The following PRDM16 variants were observed in gnomAD, a reference collection of about 807,000 sequenced individuals.
The protein encoded by PRDM16 is PR/SET domain 16, also known as histone-lysine N-methyltransferase PRDM16.
PRDM16 carries 23 observed loss-of-function variants against 110.6 expected under a neutral mutation model. The ratio of observed to expected loss-of-function variants is 0.21; its 90% confidence interval spans 0.15 to 0.29. The LOEUF (loss-of-function observed/expected upper bound fraction) is 0.29, where lower values mean the gene tolerates loss of function less well. Ranked by LOEUF, PRDM16 falls within the 10% of genes least tolerant of loss-of-function variation. The pLI is 1.00. For synonymous variants in PRDM16, 799 were observed against 781.8 expected, an observed-to-expected ratio of 1.02 and a Z score of -0.37; for missense variants, 1,615 against 1,794.3, an observed-to-expected ratio of 0.90 and a Z score of 1.81.
At chr1:3,160,876 C>G (rs1465157781) in intron 1 of PRDM16, among the ~76,000 whole-genome samples, 2 of 152,220 alleles carry the variant, frequency 1.3e-5, no homozygotes, top group Non-Finnish European at 2.9e-5. Context: ...ACACAGCCAG[C>G]AAGAGGCTGA....
At chr1:3,310,809 T>C (rs890424935) in intron 3 of PRDM16, among the ~76,000 whole-genome samples, 3 of 152,296 alleles carry the variant, frequency 2.0e-5, no homozygotes, top group African/African-American at 7.2e-5. Context: ...TGTGTATGTG[T>C]ATGTGCATGT....
At chr1:3,227,960 T>A (rs565622084) in intron 2 of PRDM16, among the ~76,000 whole-genome samples, 2 of 152,344 alleles carry the variant, frequency 1.3e-5, no homozygotes, top group South Asian at 4.1e-4. Flanking sequence ...CCTCCAAGTC[T>A]CTGTTTCGAG....
intron 3 of PRDM16, among the ~76,000 whole-genome samples, chr1:3,271,174 C>T (rs1353207692): frequency 6.6e-6 from 1 of 152,198 alleles, no homozygotes; most frequent in Non-Finnish European, 1.5e-5. Context: ...GCCCCGGACG[C>T]CTCCAGGTCA....
intron 1 of PRDM16, among the ~76,000 whole-genome samples, chr1:3,180,832 G>A (rs1644142834): frequency 6.6e-6 from 1 of 152,066 alleles, no homozygotes; most frequent in African/African-American, 2.4e-5. Context: ...TTCCCAACAG[G>A]GCCCTCTGCT....
intron 2 of PRDM16, among the ~76,000 whole-genome samples, chr1:3,189,786 A>T (rs74811618): frequency 3.2e-4 from 48 of 152,236 alleles, no homozygotes; most frequent in African/African-American, 1.1e-3. Flanking sequence ...GAGTGGCGTG[A>T]GCAAAGGGAT....
intron 3 of PRDM16, among the ~76,000 whole-genome samples, chr1:3,257,266 GCTCT>G (rs956379801): frequency 2.6e-5 from 4 of 152,204 alleles, no homozygotes; most frequent in African/African-American, 9.7e-5. Flanking sequence ...CCAGTTTCTG[GCTCT>G]CTGCCTTCCA....
chr1:3,212,475 G>C (rs1388478213), intron 2 of PRDM16, among the ~76,000 whole-genome samples: 1 of 152,126 alleles, frequency 6.6e-6, no homozygotes, highest in Non-Finnish European at 1.5e-5. Context: ...AGCAGAGGTG[G>C]CCAAGGCCCC....
At chr1:3,173,022 G>A (rs1433623607) in intron 1 of PRDM16, among the ~76,000 whole-genome samples, 1 of 152,228 alleles carries the variant, frequency 6.6e-6, no homozygotes, top group Admixed American at 6.5e-5. Context: ...GCTAGTGCTT[G>A]GAGCCAACAC....
intron 1 of PRDM16, among the ~76,000 whole-genome samples, chr1:3,095,961 C>T (rs913316017): frequency 2.6e-5 from 4 of 152,044 alleles, no homozygotes; most frequent in Non-Finnish European, 4.4e-5. Flanking sequence ...CGTCACACTC[C>T]CTCCCTCCCT....
Position 3,433,853 on chromosome 1 carries a change from C to T in PRDM16, c.*42C>T. The T allele has an allele frequency of 1.2e-6, 2 of 1,607,032 alleles. No homozygotes were observed. The highest frequency in any genetic ancestry group is 8.5e-7 in the Non-Finnish European group (1 of 1,177,714). On this transcript the variant is annotated 3_prime_UTR_variant, in exon 17 of 17. Transcript: ENST00000270722. ...GGGCCGGTGGCCAGAGCGAGGGCACCAGCCACGAAGGACGGAGGCGGGCGG... is the reference window on the plus strand; with the variant it reads ...GGGCCGGTGGCCAGAGCGAGGGCACTAGCCACGAAGGACGGAGGCGGGCGG...
At chr1:3,181,379 T>TAC (rs1310555928) in intron 1 of PRDM16, among the ~76,000 whole-genome samples, 4 of 18,804 alleles carry the variant, frequency 2.1e-4, no homozygotes, top group Non-Finnish European at 4.7e-4. Context: ...CACGCAGTCT[T>TAC]ACACACGGCC....
At chr1:3,223,772 G>C (rs1252726533) in intron 2 of PRDM16, among the ~76,000 whole-genome samples, 1 of 152,102 alleles carries the variant, frequency 6.6e-6, no homozygotes, top group Non-Finnish European at 1.5e-5. Flanking sequence ...GGAATGGAGG[G>C]GGTCGGCGGA....
At chr1:3,249,735 C>CA (rs1329037441) in intron 3 of PRDM16, among the ~76,000 whole-genome samples, 4 of 152,184 alleles carry the variant, frequency 2.6e-5, no homozygotes, top group African/African-American at 9.7e-5. Context: ...AAGCCGCGGA[C>CA]AAAAGGCTGG....
At chr1:3,264,811 C>A (rs1640249782) in intron 3 of PRDM16, among the ~76,000 whole-genome samples, 1 of 152,004 alleles carries the variant, frequency 6.6e-6, no homozygotes, top group Non-Finnish European at 1.5e-5. Flanking sequence ...AAGGATGGAA[C>A]AGAAGATAAC....
chr1:3,127,676 G>A (rs957177385), intron 1 of PRDM16, among the ~76,000 whole-genome samples: 1 of 152,384 alleles, frequency 6.6e-6, no homozygotes, highest in East Asian at 1.9e-4. Context: ...GACGAGGGTT[G>A]AGAGGGACCC....
intron 1 of PRDM16, among the ~76,000 whole-genome samples, chr1:3,116,452 T>C (rs1429172194): frequency 1.3e-5 from 2 of 152,110 alleles, no homozygotes; most frequent in South Asian, 2.1e-4. Context: ...GCCCTCAAGA[T>C]GGCAGCCCAG....
intron 3 of PRDM16, among the ~76,000 whole-genome samples, chr1:3,269,577 CGGA>C (rs1466204811): frequency 7.2e-6 from 1 of 139,504 alleles, no homozygotes; most frequent in Non-Finnish European, 1.5e-5. Context: ...AGGACAGTCC[CGGA>C]GGAGGACAGT....
At position 3,190,863 on chromosome 1, in the gene PRDM16, G is replaced by A. The variant is rs1006159971; in HGVS notation, c.387+4389G>A. Among the ~76,000 whole-genome samples, 3 of 152,332 alleles carry A rather than the reference G, an allele frequency of 2.0e-5. No individual in the cohort carries two copies. The highest frequency in any genetic ancestry group is 2.1e-4 in the South Asian group (1 of 4,830). ...CTGTTTATTTTGCTAATTAAGAGGC[G>A]GCTGCCCGGTGACAGCCCAGAGGGA... On this transcript the variant is annotated intron_variant, in intron 2 of 16. Transcript: ENST00000270722. The surrounding 1 kb of genome is among the most constrained non-coding windows in gnomAD (Gnocchi z 5.0).
At chr1:3,093,509 C>T (rs902613277) in intron 1 of PRDM16, among the ~76,000 whole-genome samples, 2 of 152,186 alleles carry the variant, frequency 1.3e-5, no homozygotes, top group East Asian at 3.9e-4. Context: ...AGCCCAAATG[C>T]CACAGGTTGT....
Sources: allele counts gnomAD v4.1 joint callset (sites outside exome capture counted in the v4.1 genomes callset), GRCh38; gene constraint gnomAD v4.1.1; non-coding constraint Gnocchi (gnomAD v3.1); transcripts MANE v1.5; gene names NCBI Gene and HGNC (gene_info 2026-07-23, HGNC 2026-07-21).